AOPEP: variants seen among roughly 807,000 people sequenced by gnomAD.
The protein encoded by AOPEP is aminopeptidase O (putative).
Under a neutral mutation model 98.1 loss-of-function variants are expected in AOPEP, and 77 were observed. That is an observed-to-expected ratio of 0.78 (90% confidence interval 0.65 to 0.95). The LOEUF is 0.95. AOPEP is among the 40% of genes least tolerant of loss of function. AOPEP has a pLI of 0.00. For synonymous variants in AOPEP, 346 were observed against 365.3 expected (o/e 0.95, Z 0.60); for missense variants, 1,024 against 1,024.7 (o/e 1.00, Z 0.01).
At chr9:94,824,876 G>GTTTTTTTTT (rs10625567) in intron 5 of AOPEP, 3 of 139,694 alleles carry the variant, frequency 2.1e-5, no homozygotes, top group Non-Finnish European at 3.0e-5. Flanking sequence ...TTTGGTGAGT[G>GTTTTTTTTT]TTTTTTTTTT....
At chr9:94,979,286 C>T in intron 10 of AOPEP, 81 bp from the exon 11 acceptor site, 1 of 866,728 alleles carries the variant, frequency 1.2e-6, no homozygotes, top group Non-Finnish European at 1.9e-6. Flanking sequence ...CTGTGATGTA[C>T]CCAGTTAGAG....
At chr9:94,975,995 A>G (rs139172135) in intron 10 of AOPEP, among the ~76,000 whole-genome samples, 6 of 152,266 alleles carry the variant, frequency 3.9e-5, no homozygotes, top group African/African-American at 7.2e-5. Flanking sequence ...TTGCCCCACC[A>G]GGACCCAGTC....
intron 1 of AOPEP, among the ~76,000 whole-genome samples, chr9:94,727,053 T>C (rs185484393): frequency 6.6e-6 from 1 of 152,308 alleles, no homozygotes; most frequent in Non-Finnish European, 1.5e-5. Context: ...GCCTCCTCCT[T>C]CGTCTCTTGC....
At chr9:95,131,151 T>C in the AOPEP span, among the ~76,000 whole-genome samples, 1 of 152,242 alleles carries the variant, frequency 6.6e-6, no homozygotes, top group Non-Finnish European at 1.5e-5. Context: ...GATAAATCTG[T>C]CATTCCTGGG....
the AOPEP span, among the ~76,000 whole-genome samples, chr9:95,097,837 T>C: frequency 1.3e-5 from 2 of 152,190 alleles, no homozygotes; most frequent in African/African-American, 4.8e-5. Context: ...GGAGGAGGCT[T>C]GAAGACATGT....
intron 5 of AOPEP, among the ~76,000 whole-genome samples, chr9:94,822,204 G>C (rs1286056193): frequency 1.3e-5 from 2 of 152,168 alleles, no homozygotes; most frequent in Non-Finnish European, 2.9e-5. Context: ...ACACACTCTA[G>C]CCCCTTTGCA....
At chr9:94,933,958 C>G (rs1463960516) in intron 7 of AOPEP, among the ~76,000 whole-genome samples, 1 of 152,070 alleles carries the variant, frequency 6.6e-6, no homozygotes, top group African/African-American at 2.4e-5. Context: ...CTGTGTTAGC[C>G]AGGATGGTCT....
intron 13 of AOPEP, among the ~76,000 whole-genome samples, chr9:95,053,786 C>T (rs1268072231): frequency 1.3e-5 from 2 of 152,124 alleles, no homozygotes; most frequent in Non-Finnish European, 2.9e-5. Flanking sequence ...CTGGATTAAT[C>T]ATAGCTCACC....
chr9:94,825,740 A>G (rs1178048867), intron 5 of AOPEP, among the ~76,000 whole-genome samples: 1 of 152,178 alleles, frequency 6.6e-6, no homozygotes, highest in Non-Finnish European at 1.5e-5. Flanking sequence ...TTCAGGGACT[A>G]TAATTACAGG....
chr9:94,994,633 G>A (rs2061107056), intron 11 of AOPEP, among the ~76,000 whole-genome samples: 1 of 152,160 alleles, frequency 6.6e-6, no homozygotes. Context: ...GACCATGGTG[G>A]TATCTTCAGA....
intron 5 of AOPEP, among the ~76,000 whole-genome samples, chr9:94,890,366 T>C (rs951774259): frequency 1.2e-4 from 19 of 152,042 alleles, no homozygotes; most frequent in African/African-American, 3.9e-4. Flanking sequence ...CCCACACATA[T>C]TGGTCAGGCT....
the AOPEP span, chr9:95,114,462 G>A: frequency 1.1e-5 from 8 of 726,294 alleles, no homozygotes; most frequent in South Asian, 5.9e-5. Context: ...CAAGCCATCC[G>A]TGCAGCCATG....
chr9:94,786,746 G>A (rs1025325509), intron 3 of AOPEP, among the ~76,000 whole-genome samples: 23 of 152,192 alleles, frequency 1.5e-4, no homozygotes, highest in Admixed American at 7.2e-4. Flanking sequence ...TGATCTCAGC[G>A]CTGGCTCCAG....
At chr9:94,856,635 C>G (rs1316858542) in intron 5 of AOPEP, among the ~76,000 whole-genome samples, 1 of 117,904 alleles carries the variant, frequency 8.5e-6, no homozygotes. Flanking sequence ...GAGTGAAACT[C>G]CGTCTTAAAA....
intron 12 of AOPEP, 137 bp downstream of exon 12, chr9:95,005,357 G>A: frequency 1.3e-6 from 1 of 758,428 alleles, no homozygotes; most frequent in Non-Finnish European, 1.9e-6. Context: ...GCGGGGAGCG[G>A]CCGTGACGAA....
intron 13 of AOPEP, among the ~76,000 whole-genome samples, chr9:95,007,242 C>G (rs1280524694): frequency 6.6e-6 from 1 of 152,096 alleles, no homozygotes; most frequent in Non-Finnish European, 1.5e-5. Flanking sequence ...CCAAAATGCA[C>G]AATGTGCTGT....
rs1165960212 is a variant in AOPEP, at chr9:94,773,045, C to T, written c.841C>T (p.Leu281Phe). Residue 281 changes from leucine to phenylalanine, a missense_variant, in exon 3 of 17, where the codon CTT (leucine) becomes TTT (phenylalanine). Leu to Phe is a conservative substitution (Grantham distance 22). This residue lies in a region of AOPEP where 440 missense variants were observed against 433.8 expected (regional missense o/e 1.01). Coordinates refer to ENST00000375315, the MANE Select transcript of AOPEP (RefSeq NM_001193329.3). Reference protein sequence around the residue: ...TVGSPINNRALFPCQEPPVAM... With the variant: ...TVGSPINNRAFFPCQEPPVAM... ...GGGATCTCCCATAAACAACAGGGCC[C>T]TTTTTCCATGCCAGGAGCCACCCGT... 14 of 1,613,962 alleles carry T rather than the reference C, an allele frequency of 8.7e-6. No homozygotes were observed. Among genetic ancestry groups the T allele is most frequent in the Non-Finnish European group, 1.1e-5 (13 of 1,179,970 alleles).
intron 3 of AOPEP, among the ~76,000 whole-genome samples, chr9:94,777,263 T>G (rs965536079): frequency 1.3e-5 from 2 of 151,864 alleles, no homozygotes; most frequent in African/African-American, 4.8e-5. Context: ...AAACCCAGTC[T>G]CTACTAAAAA....
intron 5 of AOPEP, among the ~76,000 whole-genome samples, chr9:94,920,822 G>A (rs1045476491): frequency 7.2e-5 from 11 of 152,162 alleles, no homozygotes; most frequent in African/African-American, 1.7e-4. Flanking sequence ...GGGGCAAGGC[G>A]GCAGACATGC....
Sources: allele counts gnomAD v4.1 joint callset (sites outside exome capture counted in the v4.1 genomes callset), GRCh38; gene constraint gnomAD v4.1.1; regional missense constraint gnomAD v4.1.1; transcripts MANE v1.5; gene names NCBI Gene and HGNC (gene_info 2026-07-23, HGNC 2026-07-21).